The following MB21D2 variants were observed in gnomAD, a reference collection of about 807,000 sequenced individuals.
MB21D2 encodes Mab-21 domain containing 2, also known as nucleotidyltransferase MB21D2.
In MB21D2, 9 loss-of-function variants were observed where a neutral mutation model predicts 33.3. The observed-to-expected ratio is 0.27, with a 90% CI of 0.16 to 0.47. MB21D2 has a LOEUF of 0.47. Among genes scored for constraint, MB21D2 ranks in the 20% least tolerant of loss-of-function variants. MB21D2 has a pLI of 0.99. For missense variants in MB21D2, 540 were observed against 624.6 expected, an observed-to-expected ratio of 0.86 and a Z score of 1.44; for synonymous variants, 241 against 236.3, an observed-to-expected ratio of 1.02 and a Z score of -0.18.
At chr3:192,884,593 T>C (rs1411763098) in intron 1 of MB21D2, among the ~76,000 whole-genome samples, 1 of 151,778 alleles carries the variant, frequency 6.6e-6, no homozygotes, top group Non-Finnish European at 1.5e-5. Context: ...GGTCTTGATC[T>C]CCTGACCTCG....
At chr3:192,816,522 G>A (rs530498594) in intron 1 of MB21D2, among the ~76,000 whole-genome samples, 1 of 152,218 alleles carries the variant, frequency 6.6e-6, no homozygotes, top group Non-Finnish European at 1.5e-5. Context: ...AAAAAGTAAG[G>A]CCTGAGGTTG....
At chr3:192,821,628 T>A (rs534353843) in intron 1 of MB21D2, among the ~76,000 whole-genome samples, 6 of 152,326 alleles carry the variant, frequency 3.9e-5, no homozygotes, top group Admixed American at 1.3e-4. Context: ...AACTGGAAAT[T>A]GCTTTCTGGA....
rs1186477528 is a variant in MB21D2 at position 192,799,556 on chromosome 3, T to C, written c.306A>G (p.Leu102=). 6.2e-7 allele frequency: 1 copy of C among 1,614,186 alleles called. No homozygotes were observed. The change falls in exon 2 of 2, where the codon TTA becomes TTG. Residue 102 remains leucine, a synonymous_variant. Coordinates refer to ENST00000392452, the MANE Select transcript of MB21D2 (RefSeq NM_178496.4). The surrounding 1 kb of genome is among the most constrained non-coding windows in gnomAD (Gnocchi z 4.1). The part of the protein sequence containing the change: ...GVREGVVDLD[L]DELNVYARGT... ...CCCGGGCATAGACATTAAGCTCATC[T>C]AAGTCCAGGTCCACCACGCCTTCCC...
chr3:192,814,659 G>A (rs1181959127), intron 1 of MB21D2, among the ~76,000 whole-genome samples: 3 of 151,940 alleles, frequency 2.0e-5, no homozygotes, highest in Admixed American at 6.5e-5. Flanking sequence ...TCAGGAGATC[G>A]AGACCATCCT....
intron 1 of MB21D2, among the ~76,000 whole-genome samples, chr3:192,913,718 G>A (rs1473729862): frequency 6.6e-6 from 1 of 151,998 alleles, no homozygotes; most frequent in Admixed American, 6.6e-5. Flanking sequence ...TCTAGTCCTA[G>A]CCACTAGGGA....
intron 1 of MB21D2, among the ~76,000 whole-genome samples, chr3:192,836,719 T>C (rs1712447662): frequency 6.6e-6 from 1 of 152,162 alleles, no homozygotes; most frequent in South Asian, 2.1e-4. Context: ...ACCCTGTCTG[T>C]GGTATTTTGC....
intron 1 of MB21D2, among the ~76,000 whole-genome samples, chr3:192,915,739 A>T (rs1278444633): frequency 6.6e-6 from 1 of 152,188 alleles, no homozygotes; most frequent in Non-Finnish European, 1.5e-5. Context: ...AGCTTTGCTG[A>T]TTCAGTGTAT....
At chr3:192,830,169 C>T (rs1247709427) in intron 1 of MB21D2, among the ~76,000 whole-genome samples, 1 of 151,756 alleles carries the variant, frequency 6.6e-6, no homozygotes, top group Non-Finnish European at 1.5e-5. Flanking sequence ...TCATTTTATT[C>T]AAAAAATATA....
intron 1 of MB21D2, among the ~76,000 whole-genome samples, chr3:192,879,803 C>G (rs963969586): frequency 6.6e-6 from 1 of 152,190 alleles, no homozygotes; most frequent in East Asian, 1.9e-4. Flanking sequence ...ATACCCATAG[C>G]GAGAAAATCT....
At chr3:192,878,081 C>CTTTTTTTTTT (rs11294126) in intron 1 of MB21D2, among the ~76,000 whole-genome samples, 292 of 119,352 alleles carry the variant, frequency 2.4e-3, no homozygotes, top group South Asian at 4.8e-3. Context: ...AATTCCTCCT[C>CTTTTTTTTTT]TTTTTTTTTT....
chr3:192,822,352 G>T (rs1712078055), intron 1 of MB21D2, among the ~76,000 whole-genome samples: 1 of 152,162 alleles, frequency 6.6e-6, no homozygotes, highest in Non-Finnish European at 1.5e-5. Context: ...CAACAGAAAA[G>T]GTGACAGGAG....
At position 192,872,437 on chromosome 3, in the gene MB21D2, G is replaced by A. The variant is rs1477880879; in HGVS notation, c.211+45193C>T. On this transcript the variant is annotated intron_variant, in intron 1 of 1. Coordinates refer to ENST00000392452, the MANE Select transcript of MB21D2 (RefSeq NM_178496.4). ...TAAAAATACAAAAAATTAGCCGCAC[G>A]TGGTGGCGAGCGCCTGTAGTCCCAG... Among the ~76,000 whole-genome samples the A allele has an allele frequency of 4.6e-5, 7 of 151,544 alleles. 1 individual carries two copies. Among genetic ancestry groups the A allele is most frequent in the African/African-American group, 4.9e-5 (2 of 41,084 alleles).
chr3:192,828,617 T>TCC (rs1712238716), intron 1 of MB21D2, among the ~76,000 whole-genome samples: 4 of 12,620 alleles, frequency 3.2e-4, no homozygotes, highest in East Asian at 3.4e-3. Flanking sequence ...TATATATATA[T>TCC]ATATATATAT....
chr3:192,902,578 G>C lies in MB21D2; in HGVS notation c.211+15052C>G, dbSNP rs78012354. Among the ~76,000 whole-genome samples the C allele has an allele frequency of 6.8e-3, 1,033 of 152,244 alleles. 13 individuals are homozygous for C. The highest frequency in any genetic ancestry group is 0.024 in the African/African-American group (976 of 41,520). ...ATCACTACCATCACTGTTTGACCTTGAGCAAGTCACTGTTCACTAGGGGTT... is the reference window on the plus strand; with the variant it reads ...ATCACTACCATCACTGTTTGACCTTCAGCAAGTCACTGTTCACTAGGGGTT... On this transcript the variant is annotated intron_variant, in intron 1 of 1. Transcript: ENST00000392452.
chr3:192,910,342 G>T lies in MB21D2; in HGVS notation c.211+7288C>A, dbSNP rs1352334204. Among the ~76,000 whole-genome samples, 6 of 151,814 alleles carry T rather than the reference G, an allele frequency of 4.0e-5. No homozygotes were observed. In the East Asian group the frequency reaches 9.7e-4, roughly 24 times the overall value. On this transcript the variant is annotated intron_variant, in intron 1 of 1. Coordinates refer to ENST00000392452, the MANE Select transcript of MB21D2 (RefSeq NM_178496.4). ...AAAATTTAAAAATTAACTAGGCATG[G>T]CTGTGCTCTCCTGTGGTCCCAGGTA...
chr3:192,876,539 G>T (rs1270648616), intron 1 of MB21D2, among the ~76,000 whole-genome samples: 1 of 152,166 alleles, frequency 6.6e-6, no homozygotes, highest in East Asian at 1.9e-4. Flanking sequence ...TAGCCACAGT[G>T]GTTGGTCTTC....
chr3:192,827,186 G>A (rs1712193947), intron 1 of MB21D2, among the ~76,000 whole-genome samples: 1 of 152,052 alleles, frequency 6.6e-6, no homozygotes, highest in Non-Finnish European at 1.5e-5. Context: ...GTGAGCCACT[G>A]CGCCCGGCAC....
intron 1 of MB21D2, among the ~76,000 whole-genome samples, chr3:192,807,519 C>T (rs1711689982): frequency 6.6e-6 from 1 of 152,102 alleles, no homozygotes; most frequent in South Asian, 2.1e-4. Context: ...GCCCAGGACC[C>T]AGCTGGGTCC....
intron 1 of MB21D2, among the ~76,000 whole-genome samples, chr3:192,897,229 A>C (rs1713996990): frequency 6.6e-6 from 1 of 152,156 alleles, no homozygotes; most frequent in African/African-American, 2.4e-5. Flanking sequence ...GGCTAGTTTG[A>C]TGCAACAAAC....
Sources: gnomAD v4.1 joint callset for allele counts (sites outside exome capture counted in the v4.1 genomes callset) on GRCh38, gnomAD v4.1.1 for gene constraint, Gnocchi (gnomAD v3.1) non-coding constraint, MANE v1.5 for transcripts, NCBI Gene and HGNC (gene_info 2026-07-23, HGNC 2026-07-21) for gene names.